SPATA13: variants seen among roughly 807,000 people sequenced by gnomAD.
SPATA13 encodes spermatogenesis associated 13.
Under a neutral mutation model 104.0 loss-of-function variants are expected in SPATA13, and 50 were observed. The observed-to-expected ratio is 0.48, with a 90% CI of 0.38 to 0.61. SPATA13 has a LOEUF of 0.61. SPATA13 is among the 20% of genes least tolerant of loss of function. The pLI, the probability that SPATA13 is intolerant of heterozygous loss-of-function variation, is 0.00. For synonymous variants in SPATA13, 606 were observed against 667.5 expected (o/e 0.91, Z 1.42); for missense variants, 1,524 against 1,690.6 (o/e 0.90, Z 1.73).
intron 3 of SPATA13, among the ~76,000 whole-genome samples, chr13:24,090,832 T>G (rs1028142364): frequency 1.3e-5 from 2 of 152,272 alleles, no homozygotes; most frequent in African/African-American, 4.8e-5. Flanking sequence ...TGCATGGAAC[T>G]AAACTTTCCT....
chr13:24,246,491 C>A (rs545386323), intron 2 of SPATA13, among the ~76,000 whole-genome samples: 2 of 152,166 alleles, frequency 1.3e-5, no homozygotes, highest in South Asian at 4.1e-4. Flanking sequence ...GACAGATTAG[C>A]AAAAGAAAAG....
Position 24,190,229 on chromosome 13 carries a change from T to C in SPATA13, c.-112+29297T>C, listed in dbSNP as rs866305987. Among the ~76,000 whole-genome samples the C allele has an allele frequency of 8.5e-5, 9 of 105,354 alleles. 1 individual carries two copies. Among genetic ancestry groups the C allele is most frequent in the African/African-American group, 3.6e-4 (9 of 25,144 alleles). The allele number at this position is 105,354 out of a possible 152,430, so 69.1% of individuals were successfully genotyped here. A position where few individuals can be genotyped will look rare whatever the true frequency, so the allele number is the denominator to read the frequency against. ...TATATAACATATCATATATAATATA[T>C]ATTATTATATAACATATCATATATA... is the stretch of plus-strand genomic sequence containing the variant. On this transcript the variant is annotated intron_variant, in intron 1 of 12. Coordinates refer to ENST00000382108, the MANE Select transcript of SPATA13 (RefSeq NM_001166271.3).
intron 4 of SPATA13, chr13:24,278,811 A>C (rs1875212474): frequency 6.3e-7 from 1 of 1,598,756 alleles, no homozygotes; most frequent in Admixed American, 1.7e-5. Context: ...GTGCATCGCT[A>C]TCATTTGAAG....
chr13:24,226,685 C>G (rs954803514), intron 2 of SPATA13, among the ~76,000 whole-genome samples: 1 of 152,156 alleles, frequency 6.6e-6, no homozygotes, highest in Admixed American at 6.5e-5. Context: ...TCCTTCCCAC[C>G]CATCCCTGGG....
Position 24,289,098 on chromosome 13 carries a change from A to C in SPATA13, c.2767A>C (p.Lys923Gln). The change falls in exon 8 of 13, where the codon AAG (lysine) becomes CAG (glutamine). Residue 923 changes from lysine (K) to glutamine (Q), a missense_variant. Lys to Gln is a moderately conservative substitution (Grantham distance 53). Coordinates refer to ENST00000382108, the MANE Select transcript of SPATA13 (RefSeq NM_001166271.3). ...NIEDIYKFQRKFLKDLEKQYN... is the reference protein window; with the variant it reads ...NIEDIYKFQRQFLKDLEKQYN... ...TGAAGATATTTACAAATTCCAAAGA[A>C]AGTTTCTGAAAGACCTTGAGAAACA... 1 of 1,613,842 alleles carries C rather than the reference A, an allele frequency of 6.2e-7. No individual in the cohort carries two copies. Among genetic ancestry groups the C allele is most frequent in the South Asian group, 1.1e-5 (1 of 90,998 alleles).
chr13:24,000,688 G>A (rs1443378549), intron 2 of SPATA13, among the ~76,000 whole-genome samples: 3 of 152,190 alleles, frequency 2.0e-5, no homozygotes, highest in East Asian at 3.9e-4. Context: ...TCAAGAAAGG[G>A]AATTCAGGAA....
In SPATA13 at chr13:24,286,707, C is replaced by T; in HGVS notation, c.2482-58C>T. On this transcript the variant is annotated intron_variant, in intron 6 of 12. Transcript: ENST00000382108. The surrounding 1 kb of genome is among the most constrained non-coding windows in gnomAD (Gnocchi z 4.9). ...TAGGAACCTGGGAGGTCTCCTGCCT[C>T]TGCTCCATGCTGCCCTCCCCTGCCC... is the stretch of plus-strand genomic sequence containing the variant. 3 of 1,525,660 alleles carry T rather than the reference C, an allele frequency of 2.0e-6. No homozygotes were observed. The highest frequency in any genetic ancestry group is 1.4e-5 in the African/African-American group (1 of 73,174). The allele number at this position is 1,525,660 out of a possible 1,614,324, so 94.5% of individuals were successfully genotyped here. A position where few individuals can be genotyped will look rare whatever the true frequency, so the allele number is the denominator to read the frequency against.
At position 24,305,132 on chromosome 13, in the gene SPATA13, T is replaced by C. The variant is rs1170948211; in HGVS notation, c.*2359T>C. The stretch of plus-strand genomic sequence containing the variant: ...CAGTGAGGATTCAGTTTAAGAGTCA[T>C]TCTTAGGACTTCCATTTCCTAATAT... On this transcript the variant is annotated 3_prime_UTR_variant, in exon 13 of 13. Transcript: ENST00000382108. 6.6e-6 allele frequency: 1 copy of C among 152,148 alleles called. No individual in the cohort carries two copies. Among genetic ancestry groups the C allele is most frequent in the Non-Finnish European group, 1.5e-5 (1 of 68,000 alleles). 9.4% of individuals were successfully genotyped at this position (152,148 alleles called of 1,614,324 possible).
chr13:24,060,946 G>A (rs778524881), intron 3 of SPATA13, among the ~76,000 whole-genome samples: 8 of 152,172 alleles, frequency 5.3e-5, no homozygotes, highest in African/African-American at 1.2e-4. Context: ...GGCTAAGACC[G>A]GAGAATCACT....
At position 24,229,291 on chromosome 13, in the gene SPATA13, G is replaced by T. The variant is rs374801998; in HGVS notation, c.1653+4709G>T. On this transcript the variant is annotated intron_variant, in intron 2 of 12. Transcript: ENST00000382108. ...AACTCTTAAATGATGACAACCAATT[G>T]GACCCCTCTCCAGGGAGCTATGGTA... 2.9e-4 allele frequency among the ~76,000 whole-genome samples: 44 copies of T among 152,290 alleles called. No homozygotes were observed. The South Asian group carries it at 8.9e-3, about 31-fold the overall frequency.
At chr13:24,025,572 T>C (rs1268492990) in intron 3 of SPATA13, among the ~76,000 whole-genome samples, 1 of 152,242 alleles carries the variant, frequency 6.6e-6, no homozygotes. Flanking sequence ...TTCCAATTTA[T>C]ATGTAAAACA....
At chr13:24,241,340 G>A (rs1294538232) in intron 2 of SPATA13, among the ~76,000 whole-genome samples, 1 of 152,246 alleles carries the variant, frequency 6.6e-6, no homozygotes, top group Non-Finnish European at 1.5e-5. Context: ...TAATGACCCT[G>A]TCTGCCCCTT....
chr13:24,036,333 A>G (rs1206299329), intron 3 of SPATA13, among the ~76,000 whole-genome samples: 1 of 152,204 alleles, frequency 6.6e-6, no homozygotes, highest in African/African-American at 2.4e-5. Context: ...TTTAGGCTGA[A>G]TTTGTTACAA....
rs147588043 is a variant in SPATA13 at position 24,125,339 on chromosome 13, C to A, written c.-111-97480C>A. On this transcript the variant is annotated intron_variant, in intron 3 of 14. Transcript: ENST00000424834. Reference sequence around the variant, plus strand: ...ACTTCCTGTCATTCCTAATGAGACTCACCTTATTGTCTTGGGAAAAGAAAC... The same window carrying A: ...ACTTCCTGTCATTCCTAATGAGACTAACCTTATTGTCTTGGGAAAAGAAAC... Among the ~76,000 whole-genome samples the A allele has an allele frequency of 6.0e-3, 908 of 152,252 alleles. 8 individuals carry two copies. The highest frequency in any genetic ancestry group is 0.021 in the African/African-American group (865 of 41,554).
chr13:24,010,906 C>G (rs1876443585), intron 2 of SPATA13, among the ~76,000 whole-genome samples: 1 of 150,844 alleles, frequency 6.6e-6, no homozygotes, highest in East Asian at 2.0e-4. Context: ...TCCAGCATGT[C>G]AAATGGTTGC....
Position 24,249,785 on chromosome 13 carries a change from T to A in SPATA13, c.1962T>A (p.Gly654=). 1 of 1,613,822 alleles carries A rather than the reference T, an allele frequency of 6.2e-7. No individual in the cohort carries two copies. Among genetic ancestry groups the A allele is most frequent in the African/African-American group, 1.3e-5 (1 of 75,036 alleles). The stretch of plus-strand genomic sequence containing the variant: ...GAAGGCGCCCCATTTCCGTGATAGG[T>A]GGGGTCAGCTTGTATGGGACCAACC... The part of the protein sequence containing the change: ...ARRRRPISVI[G]GVSLYGTNQT... Residue 654 remains glycine (G), a synonymous_variant, in exon 3 of 13, where the codon GGT becomes GGA. Transcript: ENST00000382108.
chr13:24,209,707 G>A (rs1202789020), intron 1 of SPATA13, among the ~76,000 whole-genome samples: 1 of 152,170 alleles, frequency 6.6e-6, no homozygotes, highest in African/African-American at 2.4e-5. Context: ...TGGCTACTGT[G>A]AATAGTGCTG....
At chr13:24,268,530 G>A (rs1007949982) in intron 4 of SPATA13, among the ~76,000 whole-genome samples, 11 of 151,944 alleles carry the variant, frequency 7.2e-5, no homozygotes, top group Non-Finnish European at 1.3e-4. Context: ...AGGCCGAGGT[G>A]GGCAGACCAC....
intron 3 of SPATA13, among the ~76,000 whole-genome samples, chr13:24,136,297 A>G (rs1047806835): frequency 6.6e-6 from 1 of 152,082 alleles, no homozygotes; most frequent in African/African-American, 2.4e-5. Context: ...AGCAACATGG[A>G]GAAACTCCAT....
Sources: gnomAD v4.1 joint callset for allele counts (sites outside exome capture counted in the v4.1 genomes callset) on GRCh38, gnomAD v4.1.1 for gene constraint, Gnocchi (gnomAD v3.1) non-coding constraint, MANE v1.5 for transcripts, NCBI Gene and HGNC (gene_info 2026-07-23, HGNC 2026-07-21) for gene names.